PRKN: variants seen among roughly 807,000 people sequenced by gnomAD.
The protein encoded by PRKN is parkin RBR E3 ubiquitin protein ligase, also known as E3 ubiquitin-protein ligase parkin.
Under a neutral mutation model 59.5 loss-of-function variants are expected in PRKN, and 56 were observed. The observed-to-expected ratio is 0.94, with a 90% confidence interval of 0.76 to 1.18. The LOEUF is 1.18. Ranked by LOEUF, PRKN falls within the 50% of genes most tolerant of loss-of-function variation. PRKN has a pLI of 0.00. For synonymous variants in PRKN, 250 were observed against 222.1 expected, an observed-to-expected ratio of 1.13 and a Z score of -1.12; for missense variants, 657 against 596.4, an observed-to-expected ratio of 1.10 and a Z score of -1.06.
At chr6:161,707,638 G>A (rs1293954125) in intron 7 of PRKN, among the ~76,000 whole-genome samples, 2 of 152,190 alleles carry the variant, frequency 1.3e-5, no homozygotes, top group Non-Finnish European at 2.9e-5. Flanking sequence ...TGAAATATTA[G>A]TGGGATAGAG....
rs1777809669 is a variant in PRKN, at chr6:161,497,743, T to C, written c.1083+51111A>G. ...GAATTCACATCAAATGCAAACAAGA[T>C]GAGACCAGGATTCTGCCTGGTTCTG... is the stretch of plus-strand genomic sequence containing the variant. On this transcript the variant is annotated intron_variant, in intron 9 of 11. Coordinates refer to ENST00000366898, the MANE Select transcript of PRKN (RefSeq NM_004562.3). This position sits in a 1 kb window ranked among gnomAD's most constrained non-coding sequence, Gnocchi z 4.6. 6.6e-6 allele frequency among the ~76,000 whole-genome samples: 1 copy of C among 152,168 alleles called. No individual in the cohort carries two copies. Among genetic ancestry groups the C allele is most frequent in the African/African-American group, 2.4e-5 (1 of 41,430 alleles).
intron 4 of PRKN, among the ~76,000 whole-genome samples, chr6:162,110,947 T>C (rs2128302222): frequency 6.6e-6 from 1 of 152,256 alleles, no homozygotes; most frequent in Non-Finnish European, 1.5e-5. Context: ...CGTCTTTAAG[T>C]ATGTCAGAGT....
chr6:162,297,669 T>A (rs190784592), intron 2 of PRKN, among the ~76,000 whole-genome samples: 114 of 152,070 alleles, frequency 7.5e-4, no homozygotes, highest in African/African-American at 2.4e-3. Context: ...AGAAAAAAAA[T>A]ATTCTTATTA....
chr6:162,218,630 T>C (rs1225870060), intron 3 of PRKN, among the ~76,000 whole-genome samples: 1 of 152,178 alleles, frequency 6.6e-6, no homozygotes, highest in East Asian at 1.9e-4. Flanking sequence ...AAAAGATTCA[T>C]GAGACTAAGG....
In PRKN at chr6:162,056,186, ACAC is replaced by A. The variant is rs1777856852; in HGVS notation, c.535-2015_535-2013del. Reference sequence around the variant, plus strand: ...CAAAACACACCACACATGCATAAACACACCACATATGTACATGTGCACATGTAT... The same window carrying A: ...CAAAACACACCACACATGCATAAACACACATATGTACATGTGCACATGTAT... On this transcript the variant is annotated intron_variant, in intron 4 of 11. Coordinates refer to ENST00000366898, the MANE Select transcript of PRKN (RefSeq NM_004562.3). This position sits in a 1 kb window ranked among gnomAD's most constrained non-coding sequence, Gnocchi z 4.9. Among the ~76,000 whole-genome samples, 1 of 151,282 alleles carries A rather than the reference ACAC, an allele frequency of 6.6e-6. No homozygotes were observed. The highest frequency in any genetic ancestry group is 2.0e-4 in the East Asian group (1 of 5,096).
rs1375101420 is a variant in PRKN at position 161,588,378 on chromosome 6, C to T, written c.872-18962G>A. On this transcript the variant is annotated intron_variant, in intron 7 of 11. Coordinates refer to ENST00000366898, the MANE Select transcript of PRKN (RefSeq NM_004562.3). This position sits in a 1 kb window ranked among gnomAD's most constrained non-coding sequence, Gnocchi z 5.0. Reference sequence around the variant, plus strand: ...CTGGGCAACAAGAGCGAAACTCTGTCCCCTCGCCAAAAAAAAAAAATTTAC... The same window carrying T: ...CTGGGCAACAAGAGCGAAACTCTGTTCCCTCGCCAAAAAAAAAAAATTTAC... Among the ~76,000 whole-genome samples, 2 of 88,800 alleles carry T rather than the reference C, an allele frequency of 2.3e-5. No individual in the cohort carries two copies. Among genetic ancestry groups the T allele is most frequent in the East Asian group, 6.5e-4 (2 of 3,070 alleles). 58.3% of individuals were successfully genotyped at this position (88,800 alleles called of 152,430 possible).
chr6:162,284,476 G>A (rs1234765137), intron 2 of PRKN, among the ~76,000 whole-genome samples: 3 of 151,708 alleles, frequency 2.0e-5, no homozygotes, highest in Non-Finnish European at 4.4e-5. Context: ...CACCTGCCTC[G>A]GTCTCCCAAA....
intron 3 of PRKN, among the ~76,000 whole-genome samples, chr6:162,218,456 C>T (rs1777796225): frequency 6.6e-6 from 1 of 152,166 alleles, no homozygotes; most frequent in African/African-American, 2.4e-5. Flanking sequence ...CTGAGCATGG[C>T]AGCCGGGGCT....
rs1434468703 is a variant in PRKN, at chr6:161,400,117, GTGGCCACCATGC to G, written c.1084-13252_1084-13241del. 2.6e-5 allele frequency among the ~76,000 whole-genome samples: 4 copies of G among 152,200 alleles called. No homozygotes were observed. In the East Asian group the frequency reaches 5.8e-4, roughly 22 times the overall value. On this transcript the variant is annotated intron_variant, in intron 9 of 11. Coordinates refer to ENST00000366898, the MANE Select transcript of PRKN (RefSeq NM_004562.3). The surrounding 1 kb of genome is among the most constrained non-coding windows in gnomAD (Gnocchi z 4.2). ...GTTGGACAGGAGCCTCACAGGGCTAGTGGCCACCATGCTGGCCACCACGCTGGACTGCGCAGG... is the reference window on the plus strand; with the variant it reads ...GTTGGACAGGAGCCTCACAGGGCTAGTGGCCACCACGCTGGACTGCGCAGG...
intron 3 of PRKN, among the ~76,000 whole-genome samples, chr6:162,259,432 A>G (rs1369322825): frequency 6.6e-6 from 1 of 152,128 alleles, no homozygotes; most frequent in Admixed American, 6.5e-5. Context: ...GGTCACAGAA[A>G]AAGAATGAAA....
At position 161,353,262 on chromosome 6, in the gene PRKN, T is replaced by C. The variant is rs1057426911; in HGVS notation, c.1286-3051A>G. On this transcript the variant is annotated intron_variant, in intron 11 of 11. Transcript: ENST00000366898. This position sits in a 1 kb window ranked among gnomAD's most constrained non-coding sequence, Gnocchi z 4.8. ...GGGCAGGACTGGAACCATCCGCAGC[T>C]GTTCTGACTGTGGGTTATAAGACCC... Among the ~76,000 whole-genome samples the C allele has an allele frequency of 3.9e-5, 6 of 152,166 alleles. No homozygotes were observed. The highest frequency in any genetic ancestry group is 1.4e-4 in the African/African-American group (6 of 41,442).
At chr6:162,352,210 T>C (rs1307858053) in intron 2 of PRKN, among the ~76,000 whole-genome samples, 1 of 152,198 alleles carries the variant, frequency 6.6e-6, no homozygotes, top group African/African-American at 2.4e-5. Flanking sequence ...CTGGAAGATC[T>C]CTGCACCCAG....
chr6:161,861,967 G>A (rs1793922039), intron 6 of PRKN, among the ~76,000 whole-genome samples: 1 of 152,096 alleles, frequency 6.6e-6, no homozygotes, highest in African/African-American at 2.4e-5. Context: ...AGAGTCTATG[G>A]GAGAATATAT....
intron 7 of PRKN, among the ~76,000 whole-genome samples, chr6:161,772,640 T>A (rs1789744642): frequency 6.6e-6 from 1 of 152,202 alleles, no homozygotes; most frequent in South Asian, 2.1e-4. Context: ...CAAAGTGCAA[T>A]AAACTGATCT....
At chr6:162,114,183 G>A (rs1780567120) in intron 4 of PRKN, among the ~76,000 whole-genome samples, 1 of 152,130 alleles carries the variant, frequency 6.6e-6, no homozygotes, top group Non-Finnish European at 1.5e-5. Context: ...GCTCAGGATT[G>A]ACTTGGCGAT....
chr6:161,552,106 G>T lies in PRKN; in HGVS notation c.934-3103C>A, dbSNP rs1245275357. ...GCACCCAGGCCCTCCTGAGGTCAGA[G>T]ATGATGAATTTAAAGGAAAACTCGT... On this transcript the variant is annotated intron_variant, in intron 8 of 11. Transcript: ENST00000366898. The surrounding 1 kb of genome is among the most constrained non-coding windows in gnomAD (Gnocchi z 4.9). Among the ~76,000 whole-genome samples the T allele has an allele frequency of 1.3e-5, 2 of 152,222 alleles. No individual in the cohort carries two copies. Among genetic ancestry groups the T allele is most frequent in the Non-Finnish European group, 2.9e-5 (2 of 68,046 alleles).
chr6:162,448,320 TCACACCCTCCTGCGATTACTACCC>T (rs1433025397), intron 1 of PRKN, among the ~76,000 whole-genome samples: 3 of 152,152 alleles, frequency 2.0e-5, no homozygotes, highest in African/African-American at 7.2e-5. Context: ...CAACCTGTCC[TCACACCCTCCTGCGATTACTACCC>T]CATTTTTCTA....
chr6:162,500,701 G>A (rs1237005200), intron 1 of PRKN, among the ~76,000 whole-genome samples: 1 of 152,104 alleles, frequency 6.6e-6, no homozygotes, highest in South Asian at 2.1e-4. Context: ...TAGATTGGCT[G>A]GTGAATCCTT....
chr6:161,753,838 C>T (rs765064150), intron 7 of PRKN, among the ~76,000 whole-genome samples: 5 of 152,132 alleles, frequency 3.3e-5, no homozygotes, highest in Non-Finnish European at 5.9e-5. Context: ...CTGATAGTTT[C>T]TACTTTATCA....
Sources: allele counts gnomAD v4.1 joint callset (sites outside exome capture counted in the v4.1 genomes callset), GRCh38; gene constraint gnomAD v4.1.1; non-coding constraint Gnocchi (gnomAD v3.1); transcripts MANE v1.5; gene names NCBI Gene and HGNC (gene_info 2026-07-23, HGNC 2026-07-21).